Variants in ERCC1 observed in about 807,000 individuals in gnomAD.
ERCC1 encodes ERCC excision repair 1, endonuclease non-catalytic subunit.
ERCC1 carries 36 observed loss-of-function variants against 37.6 expected under a neutral mutation model. The ratio of observed to expected loss-of-function variants is 0.96; its 90% CI spans 0.73 to 1.26. The LOEUF (loss-of-function observed/expected upper bound fraction) is 1.26, where lower values mean the gene tolerates loss of function less well. Among genes scored for constraint, ERCC1 ranks in the 50% most tolerant of loss-of-function variants. The pLI is 0.00. For missense variants in ERCC1, 349 were observed against 376.5 expected (o/e 0.93, Z 0.60); for synonymous variants, 156 against 162.1 (o/e 0.96, Z 0.28).
intron 1 of ERCC1, among the ~76,000 whole-genome samples, chr19:45,450,024 T>C (rs780265196): frequency 8.5e-5 from 13 of 152,146 alleles, no homozygotes. Flanking sequence ...AATAACATAA[T>C]TAAACCTATT....
intron 4 of ERCC1, among the ~76,000 whole-genome samples, chr19:45,419,806 C>G (rs765732362): frequency 2.0e-4 from 31 of 152,118 alleles, no homozygotes; most frequent in Non-Finnish European, 4.0e-4. Context: ...ATGAGTGACC[C>G]AGTCCCTCCT....
At chr19:45,434,164 A>C (rs1227754327) in intron 1 of ERCC1, among the ~76,000 whole-genome samples, 65 of 143,544 alleles carry the variant, frequency 4.5e-4, no homozygotes, top group African/African-American at 1.1e-3. Flanking sequence ...ACAAAAAAAA[A>C]AAAAAAAAAA....
At position 45,423,825 on chromosome 19, in the gene ERCC1, G is replaced by C. The variant is rs537500445; in HGVS notation, c.-52C>G. On this transcript the variant is annotated 5_prime_UTR_variant, in exon 1 of 10. Coordinates refer to ENST00000300853, the MANE Select transcript of ERCC1 (RefSeq NM_001983.4). ...GTTTCAGCGCCGCGAGGCCTCACCT[G>C]CTGGTCTTGGAGCCTCAAGGGAAAG... is the stretch of plus-strand genomic sequence containing the variant. 66 of 1,134,930 alleles carry C rather than the reference G, an allele frequency of 5.8e-5. No homozygotes were observed. The highest frequency in any genetic ancestry group is 4.4e-5 in the Admixed American group (1 of 22,670). The allele number at this position is 1,134,930 out of a possible 1,614,324, so 70.3% of individuals were successfully genotyped here.
chr19:45,437,346 C>T (rs1975008368), intron 1 of ERCC1, among the ~76,000 whole-genome samples: 1 of 152,066 alleles, frequency 6.6e-6, no homozygotes. Flanking sequence ...TCATATACCT[C>T]TGGTTATATT....
chr19:45,427,392 C>G (rs186906534), upstream of ERCC1, among the ~76,000 whole-genome samples: 253 of 151,980 alleles, frequency 1.7e-3, no homozygotes, highest in African/African-American at 5.6e-3. Flanking sequence ...AGGTGGATCA[C>G]GAGGTCAGGA....
At chr19:45,421,482 CTTTTTT>C (rs1320585786) in intron 2 of ERCC1, 89 bp from the exon 3 acceptor site, 4 of 948,686 alleles carry the variant, frequency 4.2e-6, no homozygotes, top group African/African-American at 1.7e-5. Flanking sequence ...CTTTCTTTTT[CTTTTTT>C]TGAGACAGTC....
In ERCC1 at chr19:45,420,515, C is replaced by T; in HGVS notation, c.322-88G>A. The T allele has an allele frequency of 1.3e-6, 1 of 785,762 alleles. No homozygotes were observed. The highest frequency in any genetic ancestry group is 2.2e-6 in the Non-Finnish European group (1 of 452,080). 48.7% of individuals were successfully genotyped at this position (785,762 alleles called of 1,614,324 possible). ...CCTCCACCTCTTCTTGCACCTCCTC[C>T]CTCCTCCCACCTCTTCCCACACCTC... On this transcript the variant is annotated intron_variant, in intron 3 of 9. Coordinates refer to ENST00000300853, the MANE Select transcript of ERCC1 (RefSeq NM_001983.4). This position sits in a 1 kb window ranked among gnomAD's most constrained non-coding sequence, Gnocchi z 4.8.
At chr19:45,426,327 C>T (rs1282844981), upstream of ERCC1, among the ~76,000 whole-genome samples, 3 of 135,486 alleles carry the variant, frequency 2.2e-5, no homozygotes, top group Non-Finnish European at 3.0e-5. Context: ...TGCAGTGAGC[C>T]GAGATTGTGC....
chr19:45,440,663 C>CA (rs1244802232), intron 1 of ERCC1, among the ~76,000 whole-genome samples: 25 of 152,168 alleles, frequency 1.6e-4, no homozygotes, highest in East Asian at 1.9e-4. Context: ...ATCACTGTGT[C>CA]ACCAGAGTTA....
chr19:45,413,808 G>T, intron 8 of ERCC1, 63 bp from the exon 9 acceptor site: 2 of 1,608,716 alleles, frequency 1.2e-6, no homozygotes, highest in Non-Finnish European at 1.7e-6. Flanking sequence ...TCCCAGCTGA[G>T]GAGGGGCCTC....
intron 9 of ERCC1, 30 bp from the exon 10 acceptor site, chr19:45,409,755 C>T (rs1423358278): frequency 5.2e-6 from 4 of 776,326 alleles, no homozygotes; most frequent in Non-Finnish European, 9.5e-6. Flanking sequence ...AAATGAGGAA[C>T]CAGTCATTAA....
intron 2 of ERCC1, among the ~76,000 whole-genome samples, chr19:45,422,492 C>T (rs1287169047): frequency 8.6e-5 from 13 of 151,994 alleles, no homozygotes; most frequent in Non-Finnish European, 1.8e-4. Context: ...TAGGAAGGGG[C>T]CAGGCATGGT....
rs1466551574 is a variant in ERCC1 at position 45,414,600 on chromosome 19, C to G, written c.702+261G>C. 7 of 478,776 alleles carry G rather than the reference C, an allele frequency of 1.5e-5. No individual in the cohort carries two copies. In the Admixed American group the frequency reaches 2.3e-4, roughly 16 times the overall value. The allele number at this position is 478,776 out of a possible 1,614,324, so 29.7% of individuals were successfully genotyped here. ...AAGTGGAGGCCACGGGGCTTCTGAG[C>G]CTGACGGGCCCTTGTTGAGCCTGGT... On this transcript the variant is annotated intron_variant, in intron 7 of 9. Coordinates refer to ENST00000300853, the MANE Select transcript of ERCC1 (RefSeq NM_001983.4).
At chr19:45,440,807 G>C (rs1975101481) in intron 1 of ERCC1, among the ~76,000 whole-genome samples, 1 of 152,132 alleles carries the variant, frequency 6.6e-6, no homozygotes, top group African/African-American at 2.4e-5. Context: ...GATCTTAGTT[G>C]ACTGCAGCCT....
rs2123437914 is a variant in ERCC1 at position 45,409,596 on chromosome 19, C to T, written c.*79G>A. ...CCCCAGAATCCCTCCCCAGAGACTG[C>T]ACCAGCGCAGCCAGCAGGAGCCTGG... On this transcript the variant is annotated 3_prime_UTR_variant, in exon 10 of 10. Coordinates refer to ENST00000300853, the MANE Select transcript of ERCC1 (RefSeq NM_001983.4). 1 of 1,578,878 alleles carries T rather than the reference C, an allele frequency of 6.3e-7. No individual in the cohort carries two copies. The highest frequency in any genetic ancestry group is 1.8e-5 in the Admixed American group (1 of 54,146).
intron 1 of ERCC1, among the ~76,000 whole-genome samples, chr19:45,429,844 G>A (rs1451137359): frequency 6.6e-6 from 1 of 152,088 alleles, no homozygotes; most frequent in Non-Finnish European, 1.5e-5. Context: ...TAGTGCAGTG[G>A]CATGATCACG....
rs3212985 is a variant in ERCC1, at chr19:45,409,828, C to G, written c.844-103G>C. 0.19 allele frequency: 132,069 copies of G among 706,458 alleles called. 14,092 individuals carry two copies. Among genetic ancestry groups the G allele is most frequent in the Middle Eastern group, 0.24 (656 of 2,710 alleles). The allele number at this position is 706,458 out of a possible 1,614,324, so 43.8% of individuals were successfully genotyped here. On this transcript the variant is annotated intron_variant, in intron 9 of 9. Coordinates refer to ENST00000300853, the MANE Select transcript of ERCC1 (RefSeq NM_001983.4). ...GGTTCTTTATTTTCCCCTATACCCT[C>G]AAGCATTTATCCATTGAGTTACAAA...
chr19:45,428,944 C>G (rs1974770517), intron 1 of ERCC1: 1 of 152,154 alleles, frequency 6.6e-6, no homozygotes, highest in Admixed American at 6.5e-5. Flanking sequence ...CGGGATGACG[C>G]GGGAGCCGCC....
At chr19:45,416,773 A>T (rs1273439373) in intron 6 of ERCC1, 48 bp downstream of exon 6, 1 of 1,447,622 alleles carries the variant, frequency 6.9e-7, no homozygotes, top group Non-Finnish European at 9.7e-7. Context: ...GGGAGCAGGG[A>T]CCAATCCCAG....
Sources: gnomAD v4.1 joint callset for allele counts (sites outside exome capture counted in the v4.1 genomes callset) on GRCh38, gnomAD v4.1.1 for gene constraint, Gnocchi (gnomAD v3.1) non-coding constraint, MANE v1.5 for transcripts, NCBI Gene and HGNC (gene_info 2026-07-23, HGNC 2026-07-21) for gene names.